Variants in EPHA4 observed in about 807,000 individuals in gnomAD.
EPHA4 encodes the protein ephrin type-A receptor 4.
In EPHA4, 19 loss-of-function variants were observed where a neutral mutation model predicts 108.3. The observed-to-expected ratio is 0.18, with a 90% CI of 0.12 to 0.26. The LOEUF (loss-of-function observed/expected upper bound fraction) is 0.26, where lower values mean the gene tolerates loss of function less well. Ranked by LOEUF, EPHA4 falls within the 10% of genes least tolerant of loss-of-function variation. The probability of loss-of-function intolerance (pLI) is 1.00; values close to 1 mark genes in which losing one functional copy is unlikely to be tolerated. For synonymous variants in EPHA4, 449 were observed against 455.5 expected (o/e 0.99, Z 0.18); for missense variants, 917 against 1,254.0 (o/e 0.73, Z 4.06).
intron 5 of EPHA4, among the ~76,000 whole-genome samples, chr2:221,476,965 T>C (rs1035383685): frequency 6.6e-6 from 1 of 152,198 alleles, no homozygotes; most frequent in African/African-American, 2.4e-5. Flanking sequence ...TGTAAATAAA[T>C]GTTAATCAAC....
chr2:221,445,009 TGGC>T (rs1690549606), intron 9 of EPHA4, among the ~76,000 whole-genome samples: 1 of 152,086 alleles, frequency 6.6e-6, no homozygotes, highest in African/African-American at 2.4e-5. Context: ...CTGCCCTCCT[TGGC>T]CTCCCAAAGT....
chr2:221,448,063 A>C (rs1268800100), intron 8 of EPHA4, among the ~76,000 whole-genome samples: 1 of 152,182 alleles, frequency 6.6e-6, no homozygotes, highest in Admixed American at 6.5e-5. Flanking sequence ...GCTGGTCTCA[A>C]ACTCTTGACC....
chr2:221,512,865 T>C (rs1174292008), intron 3 of EPHA4, among the ~76,000 whole-genome samples: 2 of 152,212 alleles, frequency 1.3e-5, no homozygotes, highest in African/African-American at 2.4e-5. Flanking sequence ...GCTGGGAATA[T>C]GAGGCTGTTC....
chr2:221,469,004 A>T (rs1691398747), intron 5 of EPHA4, among the ~76,000 whole-genome samples: 1 of 152,240 alleles, frequency 6.6e-6, no homozygotes, highest in Non-Finnish European at 1.5e-5. Context: ...CCCAGAAAAC[A>T]TCAATGGGCA....
At chr2:221,519,660 A>G (rs1317606620) in intron 3 of EPHA4, among the ~76,000 whole-genome samples, 2 of 152,240 alleles carry the variant, frequency 1.3e-5, no homozygotes, top group East Asian at 3.9e-4. Context: ...TAATGTAAGG[A>G]CATGCTACCT....
intron 2 of EPHA4, among the ~76,000 whole-genome samples, chr2:221,565,982 C>A (rs1694616769): frequency 6.6e-6 from 1 of 152,172 alleles, no homozygotes; most frequent in African/African-American, 2.4e-5. Context: ...TGTCTAACCA[C>A]ACTGATCAAT....
At chr2:221,471,219 T>G (rs566825795) in intron 5 of EPHA4, among the ~76,000 whole-genome samples, 42 of 152,152 alleles carry the variant, frequency 2.8e-4, no homozygotes, top group Non-Finnish European at 4.7e-4. Context: ...GTTTTAGGAC[T>G]TGTTTTTTGT....
intron 3 of EPHA4, among the ~76,000 whole-genome samples, chr2:221,509,423 T>C (rs952187810): frequency 6.6e-6 from 1 of 152,188 alleles, no homozygotes; most frequent in Non-Finnish European, 1.5e-5. Context: ...CAAAACATGA[T>C]TGCATCACCA....
At chr2:221,553,390 T>C (rs1327485508) in intron 3 of EPHA4, among the ~76,000 whole-genome samples, 1 of 152,220 alleles carries the variant, frequency 6.6e-6, no homozygotes, top group Non-Finnish European at 1.5e-5. Context: ...AGGGAAGTTC[T>C]TAAGGACAAA....
rs933860884 is a variant in EPHA4 at position 221,571,677 on chromosome 2, G to A, written c.91+481C>T. The stretch of plus-strand genomic sequence containing the variant: ...CGCTGCGGAGCAGGCCCCGCAGCCC[G>A]GTCCCGAGAAGCGCAGGGCTCGGGA... On this transcript the variant is annotated intron_variant, in intron 1 of 17. Transcript: ENST00000281821. This position sits in a 1 kb window ranked among gnomAD's most constrained non-coding sequence, Gnocchi z 6.3. 1.3e-5 allele frequency among the ~76,000 whole-genome samples: 2 copies of A among 152,192 alleles called. No homozygotes were observed. The highest frequency in any genetic ancestry group is 1.5e-5 in the Non-Finnish European group (1 of 68,038).
rs1477343296 is a variant in EPHA4 at position 221,571,237 on chromosome 2, G to GCACACACACACCACACATA, written c.91+902_91+920dup. Among the ~76,000 whole-genome samples, 11 of 145,958 alleles carry GCACACACACACCACACATA rather than the reference G, an allele frequency of 7.5e-5. No individual in the cohort carries two copies. In the East Asian group the frequency reaches 2.1e-3, roughly 28 times the overall value. On this transcript the variant is annotated intron_variant, in intron 1 of 17. Transcript: ENST00000281821. The surrounding 1 kb of genome is among the most constrained non-coding windows in gnomAD (Gnocchi z 6.3). The stretch of plus-strand genomic sequence containing the variant: ...CAGACATGCACACACACGCAGACAT[G>GCACACACACACCACACATA]CACACACACACCACACATACACACA...
intron 3 of EPHA4, among the ~76,000 whole-genome samples, chr2:221,551,268 C>G (rs113061580): frequency 6.6e-6 from 1 of 152,038 alleles, no homozygotes; most frequent in Non-Finnish European, 1.5e-5. Flanking sequence ...GATAAACATA[C>G]AAAAATCAAT....
At chr2:221,466,313 T>G (rs1691313233) in intron 5 of EPHA4, among the ~76,000 whole-genome samples, 1 of 152,224 alleles carries the variant, frequency 6.6e-6, no homozygotes, top group Non-Finnish European at 1.5e-5. Flanking sequence ...TATTAACTGC[T>G]TAAGCAGATG....
intron 3 of EPHA4, among the ~76,000 whole-genome samples, chr2:221,542,722 T>C (rs2680854): frequency 0.56 from 85,699 of 152,004 alleles, 24,888 homozygotes; most frequent in African/African-American, 0.7. Flanking sequence ...AAACTTGCAG[T>C]AGAGTTAGAG....
rs868844423 is a variant in EPHA4, at chr2:221,456,616, T to C, written c.1600A>G (p.Thr534Ala). Residue 534 changes from threonine to alanine, a missense_variant, in exon 7 of 18, where the codon ACA becomes GCA. Physicochemically the swap from Thr to Ala is moderately conservative, Grantham distance 58. Transcript: ENST00000281821. ...FSEPLEVTTN[T>A]VPSRIIGDGA... is the part of the protein sequence containing the mutation. ...GAGTCTGGGTGGTCCTTGTTACCTG[T>C]GTTGGTTGTAACCTCCAAGGGCTCA... The C allele has an allele frequency of 6.2e-6, 10 of 1,613,678 alleles. No individual in the cohort carries two copies. Among genetic ancestry groups the C allele is most frequent in the Middle Eastern group, 1.6e-4 (1 of 6,070 alleles).
intron 4 of EPHA4, among the ~76,000 whole-genome samples, chr2:221,494,037 G>A (rs1354710058): frequency 2.0e-5 from 3 of 152,272 alleles, no homozygotes; most frequent in East Asian, 3.9e-4. Context: ...CTTCAAGTTG[G>A]CAATCTAAAA....
chr2:221,434,419 A>T, intron 13 of EPHA4, 128 bp from the exon 14 acceptor site: 1 of 943,704 alleles, frequency 1.1e-6, no homozygotes, highest in South Asian at 1.7e-5. Context: ...AAACAATAAG[A>T]CACTTGTTCA....
In EPHA4 at chr2:221,484,891, C is replaced by T. The variant is rs571878211; in HGVS notation, c.980-2201G>A. On this transcript the variant is annotated intron_variant, in intron 4 of 17. Transcript: ENST00000281821. ...ATAATGATAACAAAAGGAAAAATTTCAGCCAGTTTGAGAAGGCAAACATGG... is the reference window on the plus strand; with the variant it reads ...ATAATGATAACAAAAGGAAAAATTTTAGCCAGTTTGAGAAGGCAAACATGG... Among the ~76,000 whole-genome samples, 137 of 152,302 alleles carry T rather than the reference C, an allele frequency of 9.0e-4. 1 individual carries two copies. The highest frequency in any genetic ancestry group is 3.1e-3 in the African/African-American group (129 of 41,576).
chr2:221,441,880 G>T (rs1350594580), intron 11 of EPHA4, among the ~76,000 whole-genome samples: 1 of 152,122 alleles, frequency 6.6e-6, no homozygotes, highest in Non-Finnish European at 1.5e-5. Flanking sequence ...TCCTGCCTCA[G>T]CCTCCTAAGT....
Sources: allele counts gnomAD v4.1 joint callset (sites outside exome capture counted in the v4.1 genomes callset), GRCh38; gene constraint gnomAD v4.1.1; non-coding constraint Gnocchi (gnomAD v3.1); transcripts MANE v1.5; gene names NCBI Gene and HGNC (gene_info 2026-07-23, HGNC 2026-07-21).